Variants in RBM25 observed in about 807,000 individuals in gnomAD.
RBM25 encodes the protein RNA-binding protein 25.
In RBM25, 19 loss-of-function variants were observed where a neutral mutation model predicts 120.7. That is an observed-to-expected ratio of 0.16 (90% CI 0.11 to 0.23). The LOEUF is 0.23. Ranked by LOEUF, RBM25 falls within the 10% of genes least tolerant of loss-of-function variation. The pLI is 1.00. For missense variants in RBM25, 605 were observed against 1,041.5 expected (o/e 0.58, Z 5.77); for synonymous variants, 390 against 326.7 (o/e 1.19, Z -2.09).
chr14:73,092,748 T>G (rs551867632), intron 6 of RBM25, among the ~76,000 whole-genome samples: 1 of 152,068 alleles, frequency 6.6e-6, no homozygotes, highest in Non-Finnish European at 1.5e-5. Context: ...TTCTTTTTTT[T>G]ATGAGATGGG....
Position 73,058,764 on chromosome 14 carries a change from G to A in RBM25, c.-16+59G>A, listed in dbSNP as rs75479690. 0.088 allele frequency: 13,346 copies of A among 151,504 alleles called. 784 individuals are homozygous for A. The highest frequency in any genetic ancestry group is 0.14 in the Non-Finnish European group (9,470 of 67,936). 9.4% of individuals were successfully genotyped at this position (151,504 alleles called of 1,614,324 possible). A position where few individuals can be genotyped will look rare whatever the true frequency, so the allele number is the denominator to read the frequency against. On this transcript the variant is annotated intron_variant, in intron 1 of 18. Transcript: ENST00000261973. Reference sequence around the variant, plus strand: ...GGGAGACCGGGTGCCTCAGCTGGTGGAGGAGGAAAAGCCGGGGTGGCTGCG... The same window carrying A: ...GGGAGACCGGGTGCCTCAGCTGGTGAAGGAGGAAAAGCCGGGGTGGCTGCG...
chr14:73,099,726 C>T lies in RBM25; in HGVS notation c.843C>T (p.Ile281=), dbSNP rs1896021395. Residue 281 remains isoleucine (I), a synonymous_variant, in exon 9 of 19, where the codon ATC becomes ATT. Coordinates refer to ENST00000261973, the MANE Select transcript of RBM25 (RefSeq NM_021239.3). The part of the protein sequence containing the change: ...EDKRDLISRE[I]SKFRDTHKKL... ...AAAGAGACCTGATATCTCGAGAGAT[C>T]AGCAAATTCAGAGACACACATAAGG... 4 of 1,609,374 alleles carry T rather than the reference C, an allele frequency of 2.5e-6. No individual in the cohort carries two copies. Among genetic ancestry groups the T allele is most frequent in the Non-Finnish European group, 3.4e-6 (4 of 1,178,902 alleles).
chr14:73,089,133 C>G (rs2140441755), intron 6 of RBM25, among the ~76,000 whole-genome samples: 1 of 152,176 alleles, frequency 6.6e-6, no homozygotes, highest in Non-Finnish European at 1.5e-5. Flanking sequence ...TAGAGTGAAA[C>G]TCTGTCTCCC....
chr14:73,097,300 G>A (rs990812572), intron 7 of RBM25, among the ~76,000 whole-genome samples, 200 bp downstream of exon 7: 5 of 145,626 alleles, frequency 3.4e-5, no homozygotes, highest in South Asian at 2.2e-4. Flanking sequence ...TCCGGGGTTC[G>A]AGCGATTCTA....
chr14:73,093,953 T>G (rs997877907), intron 6 of RBM25, among the ~76,000 whole-genome samples: 24 of 147,774 alleles, frequency 1.6e-4, no homozygotes, highest in South Asian at 4.3e-4. Context: ...GTTTTGTTTT[T>G]TTTTTTTTTT....
At chr14:73,096,146 T>C (rs577304611) in intron 6 of RBM25, among the ~76,000 whole-genome samples, 2 of 152,074 alleles carry the variant, frequency 1.3e-5, no homozygotes, top group African/African-American at 4.8e-5. Flanking sequence ...CTCGGCTAAT[T>C]TTTGTATTTT....
At chr14:73,065,541 C>T (rs1489782930) in intron 1 of RBM25, among the ~76,000 whole-genome samples, 1 of 152,078 alleles carries the variant, frequency 6.6e-6, no homozygotes, top group Admixed American at 6.6e-5. Flanking sequence ...TCCCCTGCCT[C>T]AGCCTCCTGA....
chr14:73,096,836 T>C, intron 6 of RBM25, 79 bp from the exon 7 acceptor site: 1 of 1,263,654 alleles, frequency 7.9e-7, no homozygotes, highest in South Asian at 1.3e-5. Flanking sequence ...AACATGTATG[T>C]TTATTAACTC....
chr14:73,113,454 G>A (rs969624381), intron 17 of RBM25, among the ~76,000 whole-genome samples: 3 of 151,788 alleles, frequency 2.0e-5, no homozygotes, highest in African/African-American at 7.3e-5. Context: ...CACTTTGGGA[G>A]GCCAATGGGG....
rs1896567361 is a variant in RBM25 at position 73,123,351 on chromosome 14, T to G, written c.*3546T>G. 1.3e-5 allele frequency: 2 copies of G among 152,184 alleles called. No individual in the cohort carries two copies. Among genetic ancestry groups the G allele is most frequent in the Non-Finnish European group, 2.9e-5 (2 of 68,026 alleles). 9.4% of individuals were successfully genotyped at this position (152,184 alleles called of 1,614,324 possible). ...GATGAGGCTTATTTTCCCAACTCTT[T>G]TTAACAGGTTTTATGATATCCCCAA... is the stretch of plus-strand genomic sequence containing the variant. On this transcript the variant is annotated 3_prime_UTR_variant, in exon 19 of 19. Transcript: ENST00000261973.
chr14:73,112,632 G>A (rs181110791), intron 17 of RBM25, among the ~76,000 whole-genome samples: 3 of 152,160 alleles, frequency 2.0e-5, no homozygotes, highest in Middle Eastern at 3.4e-3. Flanking sequence ...TTTTTTGGAC[G>A]TAGCCAATAT....
At chr14:73,089,771 A>T (rs1895769535) in intron 6 of RBM25, among the ~76,000 whole-genome samples, 1 of 151,360 alleles carries the variant, frequency 6.6e-6, no homozygotes, top group African/African-American at 2.4e-5. Context: ...GGTTCAAGTG[A>T]TTCTCCCTCC....
chr14:73,112,384 T>G, intron 17 of RBM25, 134 bp downstream of exon 17: 1 of 809,618 alleles, frequency 1.2e-6, no homozygotes, highest in Middle Eastern at 4.1e-4. Context: ...TTATATCTGC[T>G]TTTTTAAAGT....
Position 73,097,038 on chromosome 14 carries a change from A to T in RBM25, c.667A>T (p.Asn223Tyr). Reference protein sequence around the residue: ...VLIREYSSELNAPSQESDSHP... With the variant: ...VLIREYSSELYAPSQESDSHP... ...AATTCGTGAATACTCCAGTGAGCTAAATGCCCCCTCACAGGAATCTGATTC... is the reference window on the plus strand; with the variant it reads ...AATTCGTGAATACTCCAGTGAGCTATATGCCCCCTCACAGGAATCTGATTC... The change falls in exon 7 of 19, where the codon AAT (asparagine) becomes TAT (tyrosine). Residue 223 changes from asparagine (N) to tyrosine (Y), a missense_variant. Asn to Tyr is a moderately radical substitution (Grantham distance 143). Around this residue, in one of 4 missense-constraint regions of RBM25, gnomAD observed 465 missense variants for 741.6 expected, o/e 0.63. Coordinates refer to ENST00000261973, the MANE Select transcript of RBM25 (RefSeq NM_021239.3). 6.2e-7 allele frequency: 1 copy of T among 1,613,882 alleles called. No individual in the cohort carries two copies. Among genetic ancestry groups the T allele is most frequent in the South Asian group, 1.1e-5 (1 of 91,004 alleles).
chr14:73,068,936 C>T (rs933450715), intron 1 of RBM25, among the ~76,000 whole-genome samples: 2 of 152,058 alleles, frequency 1.3e-5, no homozygotes, highest in Non-Finnish European at 1.5e-5. Context: ...TTTAGACAGA[C>T]TCTGTCACCC....
chr14:73,093,105 A>G (rs1165006514), intron 6 of RBM25, among the ~76,000 whole-genome samples: 3 of 152,202 alleles, frequency 2.0e-5, no homozygotes, highest in Non-Finnish European at 4.4e-5. Context: ...ATCTGCTTGT[A>G]TGTCACAAGT....
At chr14:73,082,177 T>C (rs1449676759) in intron 4 of RBM25, among the ~76,000 whole-genome samples, 2 of 152,212 alleles carry the variant, frequency 1.3e-5, no homozygotes, top group African/African-American at 4.8e-5. Flanking sequence ...CAGACTTACA[T>C]TGAAATATTT....
At chr14:73,063,371 G>C (rs1186688339) in intron 1 of RBM25, among the ~76,000 whole-genome samples, 1 of 150,968 alleles carries the variant, frequency 6.6e-6, no homozygotes, top group African/African-American at 2.4e-5. Context: ...GGATGGTCTC[G>C]ATCTCCTGAC....
At chr14:73,086,836 C>T (rs1245635962) in intron 5 of RBM25, among the ~76,000 whole-genome samples, 1 of 152,146 alleles carries the variant, frequency 6.6e-6, no homozygotes, top group Non-Finnish European at 1.5e-5. Flanking sequence ...TCCCTAGTAG[C>T]TGGGACTACA....
Sources: gnomAD v4.1 joint callset for allele counts (sites outside exome capture counted in the v4.1 genomes callset) on GRCh38, gnomAD v4.1.1 for gene constraint, gnomAD v4.1.1 regional missense constraint, MANE v1.5 for transcripts, NCBI Gene and HGNC (gene_info 2026-07-23, HGNC 2026-07-21) for gene names.